Variants in ADAM32 observed in about 807,000 individuals in gnomAD.
The protein encoded by ADAM32 is ADAM metallopeptidase domain 32.
ADAM32 carries 89 observed loss-of-function variants against 114.9 expected under a neutral mutation model. That is an observed-to-expected ratio of 0.77 (90% confidence interval 0.65 to 0.92). The LOEUF is 0.92. Ranked by LOEUF, ADAM32 falls within the 40% of genes least tolerant of loss-of-function variation. The probability of loss-of-function intolerance (pLI) is 0.00; values close to 1 mark genes in which losing one functional copy is unlikely to be tolerated. For missense variants in ADAM32, 870 were observed against 932.8 expected (o/e 0.93, Z 0.88); for synonymous variants, 285 against 307.5 (o/e 0.93, Z 0.77).
At chr8:39,184,697 T>TG (rs1288225528) in intron 10 of ADAM32, among the ~76,000 whole-genome samples, 1 of 152,188 alleles carries the variant, frequency 6.6e-6, no homozygotes, top group Non-Finnish European at 1.5e-5. Context: ...CTGACTTAGT[T>TG]GTGAATCCCT....
chr8:39,228,065 C>A (rs1249839295), intron 14 of ADAM32, among the ~76,000 whole-genome samples: 1 of 152,152 alleles, frequency 6.6e-6, no homozygotes, highest in Non-Finnish European at 1.5e-5. Flanking sequence ...GATGGCTAGA[C>A]CCAGAAGAGA....
intron 21 of ADAM32, 24 bp downstream of exon 21, chr8:39,274,374 T>C: frequency 6.2e-7 from 1 of 1,604,558 alleles, no homozygotes; most frequent in Non-Finnish European, 8.5e-7. Context: ...AAGAGGTTTT[T>C]AAGATACATG....
In ADAM32 at chr8:39,221,719, T is replaced by C; in HGVS notation, c.1326+17T>C. ...GACTGTCAAGTAAGATTTAAGCTTA[T>C]GAACATCTTTCAAATATATAACAAA... On this transcript the variant is annotated intron_variant, in intron 13 of 24. Coordinates refer to ENST00000379907, the MANE Select transcript of ADAM32 (RefSeq NM_145004.7). The C allele has an allele frequency of 6.3e-7, 1 of 1,577,158 alleles. No homozygotes were observed. The highest frequency in any genetic ancestry group is 8.7e-7 in the Non-Finnish European group (1 of 1,150,118).
chr8:39,280,927 C>T (rs550428423), intron 22 of ADAM32, among the ~76,000 whole-genome samples: 5 of 151,862 alleles, frequency 3.3e-5, no homozygotes, highest in East Asian at 1.9e-4. Context: ...GGACTACAGG[C>T]GCCCGCCACC....
At chr8:39,138,957 C>CT (rs1239475204) in intron 3 of ADAM32, among the ~76,000 whole-genome samples, 1 of 152,174 alleles carries the variant, frequency 6.6e-6, no homozygotes, top group Non-Finnish European at 1.5e-5. Flanking sequence ...TGTCTGTTGG[C>CT]TGCATAAATG....
chr8:39,149,765 A>G (rs368185242), intron 4 of ADAM32, 26 bp from the exon 5 acceptor site: 9 of 1,534,888 alleles, frequency 5.9e-6, no homozygotes, highest in Middle Eastern at 3.4e-4. Context: ...TTCCTAAGTG[A>G]CTACTTTACT....
intron 10 of ADAM32, among the ~76,000 whole-genome samples, chr8:39,170,523 G>T (rs1232592389): frequency 2.0e-5 from 3 of 151,800 alleles, no homozygotes; most frequent in African/African-American, 7.3e-5. Flanking sequence ...GCATCTCTTT[G>T]TGCCATTTTC....
intron 19 of ADAM32, among the ~76,000 whole-genome samples, chr8:39,261,786 T>C (rs750015534): frequency 6.6e-6 from 1 of 152,216 alleles, no homozygotes; most frequent in African/African-American, 2.4e-5. Context: ...TTGATTTGCA[T>C]TTCTATGATT....
intron 14 of ADAM32, among the ~76,000 whole-genome samples, chr8:39,228,498 C>A (rs1405626901): frequency 3.9e-5 from 6 of 152,070 alleles, no homozygotes; most frequent in African/African-American, 1.2e-4. Flanking sequence ...ATAAAAAATT[C>A]TGGGAATTTT....
chr8:39,180,173 C>T (rs539924353), intron 10 of ADAM32, among the ~76,000 whole-genome samples: 13 of 152,312 alleles, frequency 8.5e-5, no homozygotes, highest in East Asian at 7.7e-4. Context: ...GCTGGAGTTC[C>T]GGGTGGGCGT....
intron 23 of ADAM32, 72 bp from the exon 24 acceptor site, chr8:39,283,511 TAAC>T (rs1813573506): frequency 1.6e-6 from 2 of 1,215,454 alleles, no homozygotes; most frequent in Middle Eastern, 4.2e-4. Flanking sequence ...GAAATTGCCA[TAAC>T]AAATAAATAC....
chr8:39,159,874 C>A lies in ADAM32; in HGVS notation c.526-1023C>A, dbSNP rs139572613. Among the ~76,000 whole-genome samples, 714 of 152,260 alleles carry A rather than the reference C, an allele frequency of 4.7e-3. 12 individuals are homozygous for A. The highest frequency in any genetic ancestry group is 0.017 in the African/African-American group (688 of 41,546). On this transcript the variant is annotated intron_variant, in intron 6 of 24. Coordinates refer to ENST00000379907, the MANE Select transcript of ADAM32 (RefSeq NM_145004.7). The stretch of plus-strand genomic sequence containing the variant: ...TATGGGCCTCTATCTTAATGGATGC[C>A]AATGAGCTGGATGTGTGAGATGGGA...
chr8:39,135,194 A>G (rs1802720720), intron 2 of ADAM32, among the ~76,000 whole-genome samples: 1 of 152,162 alleles, frequency 6.6e-6, no homozygotes, highest in Non-Finnish European at 1.5e-5. Context: ...AAGATGCTCA[A>G]GCATCTGTGT....
intron 3 of ADAM32, among the ~76,000 whole-genome samples, chr8:39,140,781 C>G (rs1311102288): frequency 6.6e-6 from 1 of 152,070 alleles, no homozygotes; most frequent in African/African-American, 2.4e-5. Context: ...TCTGTCTGGT[C>G]CTGGACTTTT....
chr8:39,248,278 T>C (rs1811059726), intron 17 of ADAM32, among the ~76,000 whole-genome samples: 1 of 152,232 alleles, frequency 6.6e-6, no homozygotes, highest in Admixed American at 6.5e-5. Context: ...ATCAAGTTAG[T>C]AAGAACTGAT....
At chr8:39,251,420 GA>G (rs1237934387) in intron 17 of ADAM32, among the ~76,000 whole-genome samples, 10 of 151,692 alleles carry the variant, frequency 6.6e-5, no homozygotes, top group Non-Finnish European at 1.0e-4. Context: ...ACTGGATTGA[GA>G]TTATATCTCA....
intron 12 of ADAM32, among the ~76,000 whole-genome samples, chr8:39,217,678 G>T (rs1419506677): frequency 1.3e-5 from 2 of 152,094 alleles, no homozygotes; most frequent in African/African-American, 4.8e-5. Flanking sequence ...TAGGTCAATT[G>T]TGTCTTTCAA....
At chr8:39,283,918 C>T (rs1407035375) in intron 24 of ADAM32, among the ~76,000 whole-genome samples, 4 of 152,036 alleles carry the variant, frequency 2.6e-5, no homozygotes, top group African/African-American at 4.8e-5. Context: ...GGATTACAGG[C>T]GTGTGCCGCC....
intron 7 of ADAM32, among the ~76,000 whole-genome samples, chr8:39,161,802 G>T (rs1205612526): frequency 1.3e-5 from 2 of 152,072 alleles, no homozygotes; most frequent in South Asian, 2.1e-4. Flanking sequence ...ACAGGGAAAA[G>T]GGAAAAGGGA....
Sources: gnomAD v4.1 joint callset for allele counts (sites outside exome capture counted in the v4.1 genomes callset) on GRCh38, gnomAD v4.1.1 for gene constraint, MANE v1.5 for transcripts, NCBI Gene and HGNC (gene_info 2026-07-23, HGNC 2026-07-21) for gene names.